Variants in TUBAL3 observed in about 807,000 individuals in gnomAD.
TUBAL3 encodes the protein tubulin alpha chain-like 3.
In TUBAL3, 16 loss-of-function variants were observed where a neutral mutation model predicts 15.5. The observed-to-expected ratio is 1.04, with a 90% CI of 0.70 to 1.57. The LOEUF (loss-of-function observed/expected upper bound fraction) is 1.57, where lower values mean the gene tolerates loss of function less well. Among genes scored for constraint, TUBAL3 ranks in the 40% most tolerant of loss-of-function variants. The pLI is 0.00. For synonymous variants in TUBAL3, 238 were observed against 224.3 expected, an observed-to-expected ratio of 1.06 and a Z score of -0.55; for missense variants, 609 against 576.2, an observed-to-expected ratio of 1.06 and a Z score of -0.58.
In TUBAL3 at chr10:5,393,692, G is replaced by A. The variant is rs376081278; in HGVS notation, c.1166C>T (p.Thr389Met). The A allele has an allele frequency of 4.6e-5, 75 of 1,614,086 alleles. No individual in the cohort carries two copies. In the Admixed American group the frequency reaches 5.7e-4, roughly 12 times the overall value. ...GCGGGCCCAGGCCTCCACAATCGCC[G>A]TGGTGTTGCTCAGCATGCAGATGGA... ...HRSICMLSNTTAIVEAWARLD... is the reference protein window; with the variant it reads ...HRSICMLSNTMAIVEAWARLD... The change falls in exon 4 of 4, where the codon ACG (threonine) becomes ATG (methionine). Residue 389 changes from threonine (T) to methionine (M), a missense_variant. Thr to Met is a moderately conservative substitution (Grantham distance 81). Transcript: ENST00000380419.
Position 5,393,201 on chromosome 10 carries a change from A to G in TUBAL3, c.*316T>C. On this transcript the variant is annotated 3_prime_UTR_variant, in exon 4 of 4. Transcript: ENST00000380419. ...CTGTTTTCTACTTCCGGTACCAGAA[A>G]GGAAAAGCATAAACTTCAGGATTTC... The G allele has an allele frequency of 1.5e-5, 4 of 261,344 alleles. No homozygotes were observed. Among genetic ancestry groups the G allele is most frequent in the Non-Finnish European group, 2.9e-5 (4 of 139,412 alleles). 16.2% of individuals were successfully genotyped at this position (261,344 alleles called of 1,614,324 possible).
In TUBAL3 at chr10:5,395,224, C is replaced by CG; in HGVS notation, c.396+102dup. 1 of 1,246,884 alleles carries CG rather than the reference C, an allele frequency of 8.0e-7. No homozygotes were observed. The highest frequency in any genetic ancestry group is 1.1e-6 in the Non-Finnish European group (1 of 939,366). The allele number at this position is 1,246,884 out of a possible 1,614,324, so 77.2% of individuals were successfully genotyped here. A position where few individuals can be genotyped will look rare whatever the true frequency, so the allele number is the denominator to read the frequency against. ...ACCCAGACCAGAGCCCAGGGAGAGACGGTTGGTGGCGATGGTGACAGCAGA... is the reference window on the plus strand; with the variant it reads ...ACCCAGACCAGAGCCCAGGGAGAGACGGGTTGGTGGCGATGGTGACAGCAGA... On this transcript the variant is annotated intron_variant, in intron 3 of 3. Transcript: ENST00000380419. This position sits in a 1 kb window ranked among gnomAD's most constrained non-coding sequence, Gnocchi z 4.6.
chr10:5,401,176 A>G, intron 1 of TUBAL3, 89 bp from the exon 2 acceptor site: 1 of 1,531,442 alleles, frequency 6.5e-7, no homozygotes, highest in Non-Finnish European at 8.8e-7. Flanking sequence ...AAATGACAGA[A>G]ACCAAGCTAG....
chr10:5,396,979 A>G lies in TUBAL3; in HGVS notation c.248-1504T>C, dbSNP rs1193880412. On this transcript the variant is annotated intron_variant, in intron 2 of 3. Transcript: ENST00000380419. The surrounding 1 kb of genome is among the most constrained non-coding windows in gnomAD (Gnocchi z 5.1). ...TGATTTTAGCTCATAAATAAGGATT[A>G]TAACAAGATCTACCCCATTGAGCTG... Among the ~76,000 whole-genome samples, 1 of 152,102 alleles carries G rather than the reference A, an allele frequency of 6.6e-6. No homozygotes were observed. The highest frequency in any genetic ancestry group is 1.5e-5 in the Non-Finnish European group (1 of 68,008).
rs782213612 is a variant in TUBAL3 at position 5,395,873 on chromosome 10, C to T, written c.248-398G>A. Among the ~76,000 whole-genome samples the T allele has an allele frequency of 5.8e-4, 88 of 152,216 alleles. No homozygotes were observed. Among genetic ancestry groups the T allele is most frequent in the Admixed American group, 1.4e-3 (22 of 15,290 alleles). ...CTGGTCCAAACATCTCTCCTGGCAC[C>T]GGGTGACTTACAATTCTTAGCTCTC... On this transcript the variant is annotated intron_variant, in intron 2 of 3. Coordinates refer to ENST00000380419, the MANE Select transcript of TUBAL3 (RefSeq NM_024803.3). This position sits in a 1 kb window ranked among gnomAD's most constrained non-coding sequence, Gnocchi z 4.6.
rs782271190 is a variant in TUBAL3 at position 5,394,454 on chromosome 10, T to C, written c.404A>G (p.Gln135Arg). The C allele has an allele frequency of 6.3e-7, 1 of 1,593,780 alleles. No individual in the cohort carries two copies. ...CAAAAATCCCTGAAGTCCACCACAC[T>C]GTTCTGCCTGGAGAAAGTAAATGAG... is the stretch of plus-strand genomic sequence containing the variant. ...VLERTRKLAE[Q>R]CGGLQGFLIF... The change falls in exon 4 of 4, where the codon CAG becomes CGG. Residue 135 changes from glutamine to arginine, a missense_variant. Physicochemically the swap from Gln to Arg is conservative, Grantham distance 43. Transcript: ENST00000380419. This position sits in a 1 kb window ranked among gnomAD's most constrained non-coding sequence, Gnocchi z 4.3.
In TUBAL3 at chr10:5,393,669, G is replaced by A. The variant is rs782217301; in HGVS notation, c.1189C>T (p.Arg397Cys). ...ATGAGGTCAAACTTGTGGTCCAGGCGGGCCCAGGCCTCCACAATCGCCGTG... is the reference window on the plus strand; with the variant it reads ...ATGAGGTCAAACTTGTGGTCCAGGCAGGCCCAGGCCTCCACAATCGCCGTG... Reference protein sequence around the residue: ...NTTAIVEAWARLDHKFDLMYA... With the variant: ...NTTAIVEAWACLDHKFDLMYA... The change falls in exon 4 of 4, where the codon CGC becomes TGC. Residue 397 changes from arginine (R) to cysteine (C), a missense_variant. Arg to Cys is a radical substitution (Grantham distance 180). Coordinates refer to ENST00000380419, the MANE Select transcript of TUBAL3 (RefSeq NM_024803.3). The A allele has an allele frequency of 4.0e-5, 64 of 1,614,042 alleles. No individual in the cohort carries two copies. Among genetic ancestry groups the A allele is most frequent in the East Asian group, 6.7e-5 (3 of 44,898 alleles).
rs782051685 is a variant in TUBAL3, at chr10:5,393,819, A to G, written c.1039T>C (p.Ser347Pro). Residue 347 changes from serine to proline, a missense_variant, in exon 4 of 4, where the codon TCT becomes CCT. Transcript: ENST00000380419. Reference sequence around the variant, plus strand: ...GGACACCAATCTACAAACTGAACAGAGTGCCTCGACTTCGTGGCTGCGATT... The same window carrying G: ...GGACACCAATCTACAAACTGAACAGGGTGCCTCGACTTCGTGGCTGCGATT... Reference protein sequence around the residue: ...AAIAATKSRHSVQFVDWCPTG... With the variant: ...AAIAATKSRHPVQFVDWCPTG... 25 of 1,614,182 alleles carry G rather than the reference A, an allele frequency of 1.5e-5. No individual in the cohort carries two copies. In the South Asian group the frequency reaches 2.5e-4, roughly 16 times the overall value.
rs782019299 is a variant in TUBAL3 at position 5,394,402 on chromosome 10, A to G, written c.456T>C (p.Thr152=). The part of the protein sequence containing the change: ...FLIFRSFGGG[T]GSGFTSLLME... ...TTAAGAGAGACGTAAACCCTGAACC[A>G]GTGCCTCCTCCAAAGCTTCGGAAAA... Residue 152 remains threonine (T), a synonymous_variant, in exon 4 of 4, where the codon ACT becomes ACC. Coordinates refer to ENST00000380419, the MANE Select transcript of TUBAL3 (RefSeq NM_024803.3). This position sits in a 1 kb window ranked among gnomAD's most constrained non-coding sequence, Gnocchi z 4.3. 1.2e-6 allele frequency: 2 copies of G among 1,613,822 alleles called. No homozygotes were observed. The highest frequency in any genetic ancestry group is 2.7e-5 in the African/African-American group (2 of 74,926).
Position 5,393,410 on chromosome 10 carries a change from A to G in TUBAL3, c.*107T>C. 1.1e-6 allele frequency: 1 copy of G among 949,480 alleles called. No homozygotes were observed. The highest frequency in any genetic ancestry group is 1.6e-6 in the Non-Finnish European group (1 of 645,094). The allele number at this position is 949,480 out of a possible 1,614,324, so 58.8% of individuals were successfully genotyped here. A position where few individuals can be genotyped will look rare whatever the true frequency, so the allele number is the denominator to read the frequency against. ...GGAACCTAGAGTCTTGCCTGATTTGAGTTCATTTTTCTGCTCATCAGGGGA... is the reference window on the plus strand; with the variant it reads ...GGAACCTAGAGTCTTGCCTGATTTGGGTTCATTTTTCTGCTCATCAGGGGA... On this transcript the variant is annotated 3_prime_UTR_variant, in exon 4 of 4. Transcript: ENST00000380419.
At chr10:5,399,490 T>C (rs1334065861) in intron 2 of TUBAL3, among the ~76,000 whole-genome samples, 5 of 152,204 alleles carry the variant, frequency 3.3e-5, no homozygotes, top group Admixed American at 2.0e-4. Context: ...CCAGGCACCC[T>C]GGTCTCAGAC....
At position 5,395,558 on chromosome 10, in the gene TUBAL3, C is replaced by T; in HGVS notation, c.248-83G>A. 1 of 1,304,154 alleles carries T rather than the reference C, an allele frequency of 7.7e-7. No homozygotes were observed. Among genetic ancestry groups the T allele is most frequent in the South Asian group, 2.3e-5 (1 of 42,958 alleles). 80.8% of individuals were successfully genotyped at this position (1,304,154 alleles called of 1,614,324 possible). ...TGCTGCTAGTCCTCCTGGAGCCTCC[C>T]CGTACTTGACTCCCATGCTTTCTCT... On this transcript the variant is annotated intron_variant, in intron 2 of 3. Coordinates refer to ENST00000380419, the MANE Select transcript of TUBAL3 (RefSeq NM_024803.3). The surrounding 1 kb of genome is among the most constrained non-coding windows in gnomAD (Gnocchi z 4.6).
rs115425502 is a variant in TUBAL3 at position 5,395,970 on chromosome 10, T to C, written c.248-495A>G. Among the ~76,000 whole-genome samples, 1,052 of 152,278 alleles carry C rather than the reference T, an allele frequency of 6.9e-3. 17 individuals are homozygous for C. The highest frequency in any genetic ancestry group is 0.024 in the African/African-American group (986 of 41,542). On this transcript the variant is annotated intron_variant, in intron 2 of 3. Coordinates refer to ENST00000380419, the MANE Select transcript of TUBAL3 (RefSeq NM_024803.3). This position sits in a 1 kb window ranked among gnomAD's most constrained non-coding sequence, Gnocchi z 4.6. ...GCCTTTTCCCCTGTATGTGTGTCTGTGCTCTCTCCTCTGATAAGGACACAA... is the reference window on the plus strand; with the variant it reads ...GCCTTTTCCCCTGTATGTGTGTCTGCGCTCTCTCCTCTGATAAGGACACAA...
chr10:5,398,147 G>A (rs943662726), intron 2 of TUBAL3, among the ~76,000 whole-genome samples: 2 of 152,106 alleles, frequency 1.3e-5, no homozygotes, highest in South Asian at 2.1e-4. Flanking sequence ...TTGGCCGGGT[G>A]CAGTGGCTCT....
Position 5,395,270 on chromosome 10 carries a change from G to C in TUBAL3, c.396+57C>G. 7.1e-7 allele frequency: 1 copy of C among 1,400,232 alleles called. No individual in the cohort carries two copies. Among genetic ancestry groups the C allele is most frequent in the Non-Finnish European group, 9.4e-7 (1 of 1,063,762 alleles). 86.7% of individuals were successfully genotyped at this position (1,400,232 alleles called of 1,614,324 possible). A position where few individuals can be genotyped will look rare whatever the true frequency, so the allele number is the denominator to read the frequency against. ...GCAGATAATGCTTGTGAGTTCTGCC[G>C]CAGGACCCCACATGCCCCAGGCACA... On this transcript the variant is annotated intron_variant, in intron 3 of 3. Transcript: ENST00000380419. This position sits in a 1 kb window ranked among gnomAD's most constrained non-coding sequence, Gnocchi z 4.6.
intron 1 of TUBAL3, among the ~76,000 whole-genome samples, chr10:5,401,434 G>C: frequency 6.7e-6 from 1 of 148,674 alleles, no homozygotes; most frequent in African/African-American, 2.4e-5. Context: ...GGTGAGATGT[G>C]TGTGTGTGTG....
In TUBAL3 at chr10:5,395,396, A is replaced by G. The variant is rs1319324570; in HGVS notation, c.327T>C (p.Asn109=). The change falls in exon 3 of 4, where the codon AAT becomes AAC. Residue 109 remains asparagine, a synonymous_variant. Transcript: ENST00000380419. The surrounding 1 kb of genome is among the most constrained non-coding windows in gnomAD (Gnocchi z 4.6). The part of the protein sequence containing the change: ...LLSGKEDAAN[N]YARGRYSVGS... ...CCACAGAGTAACGGCCTCGCGCGTAATTGTTAGCAGCATCCTCCTTTCCGC... is the reference window on the plus strand; with the variant it reads ...CCACAGAGTAACGGCCTCGCGCGTAGTTGTTAGCAGCATCCTCCTTTCCGC... 2 of 1,607,200 alleles carry G rather than the reference A, an allele frequency of 1.2e-6. No individual in the cohort carries two copies. Among genetic ancestry groups the G allele is most frequent in the African/African-American group, 1.3e-5 (1 of 74,596 alleles).
chr10:5,403,904 C>G (rs1394909641), intron 1 of TUBAL3, among the ~76,000 whole-genome samples: 1 of 152,182 alleles, frequency 6.6e-6, no homozygotes, highest in East Asian at 1.9e-4. Flanking sequence ...GTTAAACTTT[C>G]AATTTTGAGG....
In TUBAL3 at chr10:5,396,908, C is replaced by T. The variant is rs1397751513; in HGVS notation, c.248-1433G>A. Among the ~76,000 whole-genome samples, 1 of 152,336 alleles carries T rather than the reference C, an allele frequency of 6.6e-6. No homozygotes were observed. The highest frequency in any genetic ancestry group is 1.9e-4 in the East Asian group (1 of 5,190). On this transcript the variant is annotated intron_variant, in intron 2 of 3. Coordinates refer to ENST00000380419, the MANE Select transcript of TUBAL3 (RefSeq NM_024803.3). This position sits in a 1 kb window ranked among gnomAD's most constrained non-coding sequence, Gnocchi z 5.1. ...GTTTCAAGAATCAGTTTCCTGGGTT[C>T]CTATCTTGCCTTCCTCACTAAGCTA...
Sources: gnomAD v4.1 joint callset for allele counts (sites outside exome capture counted in the v4.1 genomes callset) on GRCh38, gnomAD v4.1.1 for gene constraint, Gnocchi (gnomAD v3.1) non-coding constraint, MANE v1.5 for transcripts, NCBI Gene and HGNC (gene_info 2026-07-23, HGNC 2026-07-21) for gene names.